SH2B3: variants seen among roughly 807,000 people sequenced by gnomAD.
SH2B3 encodes SH2B adapter protein 3.
Under a neutral mutation model 51.9 loss-of-function variants are expected in SH2B3, and 43 were observed. The observed-to-expected ratio is 0.83, with a 90% confidence interval of 0.65 to 1.07. SH2B3 has a LOEUF of 1.07. Ranked by LOEUF, SH2B3 falls within the 50% of genes least tolerant of loss-of-function variation. SH2B3 has a pLI of 0.00. For missense variants in SH2B3, 952 were observed against 834.3 expected, an observed-to-expected ratio of 1.14 and a Z score of -1.74; for synonymous variants, 396 against 376.0, an observed-to-expected ratio of 1.05 and a Z score of -0.62.
intron 2 of SH2B3, among the ~76,000 whole-genome samples, chr12:111,440,891 C>T (rs530546103): frequency 1.3e-5 from 2 of 152,336 alleles, no homozygotes; most frequent in East Asian, 3.9e-4. Flanking sequence ...CCCTGTGCTC[C>T]TCCCTGCCTT....
intron 2 of SH2B3, among the ~76,000 whole-genome samples, chr12:111,420,323 G>A (rs932425295): frequency 2.2e-5 from 3 of 133,470 alleles, no homozygotes; most frequent in African/African-American, 9.0e-5. Flanking sequence ...AGCCAAGATC[G>A]CACCACAGCA....
rs1872828205 is a variant in SH2B3 at position 111,435,851 on chromosome 12, G to A, written c.733-10902G>A. The stretch of plus-strand genomic sequence containing the variant: ...CTTAGCCAGGCTGGCCACAGTGGGG[G>A]CAGGAAGGATTCCTATGGGGACAGC... On this transcript the variant is annotated intron_variant, in intron 2 of 7. Coordinates refer to ENST00000341259, the MANE Select transcript of SH2B3 (RefSeq NM_005475.3). This position sits in a 1 kb window ranked among gnomAD's most constrained non-coding sequence, Gnocchi z 4.8. 6.6e-6 allele frequency among the ~76,000 whole-genome samples: 1 copy of A among 152,218 alleles called. No individual in the cohort carries two copies. The highest frequency in any genetic ancestry group is 1.5e-5 in the Non-Finnish European group (1 of 68,036).
chr12:111,434,876 C>A, intron 2 of SH2B3: 1 of 1,535,380 alleles, frequency 6.5e-7, no homozygotes, highest in South Asian at 1.2e-5. Flanking sequence ...TAATGAGAGT[C>A]CGTGCCGGGT....
chr12:111,419,651 T>A (rs1223046180), intron 2 of SH2B3, among the ~76,000 whole-genome samples: 3 of 148,168 alleles, frequency 2.0e-5, no homozygotes, highest in African/African-American at 7.7e-5. Flanking sequence ...AAAAAAAAAA[T>A]GTTTAGACTT....
At chr12:111,433,464 T>A (rs1336477598) in intron 2 of SH2B3, among the ~76,000 whole-genome samples, 1 of 152,240 alleles carries the variant, frequency 6.6e-6, no homozygotes, top group Non-Finnish European at 1.5e-5. Flanking sequence ...AGTTTCTCCA[T>A]GTCCTTGCCA....
At position 111,429,042 on chromosome 12, in the gene SH2B3, G is replaced by GGAGGAA. The variant is rs1174849410; in HGVS notation, c.732+10171_732+10176dup. 1.4e-3 allele frequency among the ~76,000 whole-genome samples: 213 copies of GGAGGAA among 147,942 alleles called. No homozygotes were observed. Among genetic ancestry groups the GGAGGAA allele is most frequent in the African/African-American group, 5.1e-3 (208 of 41,072 alleles). On this transcript the variant is annotated intron_variant, in intron 2 of 7. Transcript: ENST00000341259. This position sits in a 1 kb window ranked among gnomAD's most constrained non-coding sequence, Gnocchi z 4.4. ...AGGAGGAGGAGGAGGAGGAGGAGGA[G>GGAGGAA]GAGGAAGAGGAGGAGGAGGAGGAGG...
At chr12:111,427,740 C>T (rs1872132117) in intron 2 of SH2B3, among the ~76,000 whole-genome samples, 1 of 152,240 alleles carries the variant, frequency 6.6e-6, no homozygotes, top group South Asian at 2.1e-4. Flanking sequence ...CCTCAGTTTC[C>T]CTCATCTGTA....
At position 111,449,830 on chromosome 12, in the gene SH2B3, CACTTAT is replaced by C. The variant is rs1300461405; in HGVS notation, c.*1534_*1539del. On this transcript the variant is annotated 3_prime_UTR_variant, in exon 8 of 8. Coordinates refer to ENST00000341259, the MANE Select transcript of SH2B3 (RefSeq NM_005475.3). ...GGAGGAGGGTTAGGTCTGCTTCTTC[CACTTAT>C]ACTTAGTCTCTGTGCTCCAAGAGGT... 2 of 152,224 alleles carry C rather than the reference CACTTAT, an allele frequency of 1.3e-5. No individual in the cohort carries two copies. The highest frequency in any genetic ancestry group is 2.4e-5 in the African/African-American group (1 of 41,438). 9.4% of individuals were successfully genotyped at this position (152,224 alleles called of 1,614,324 possible).
intron 2 of SH2B3, among the ~76,000 whole-genome samples, chr12:111,428,644 T>C (rs1872199769): frequency 6.6e-6 from 1 of 152,042 alleles, no homozygotes; most frequent in African/African-American, 2.4e-5. Flanking sequence ...CCCCAAGAGA[T>C]AGCACAGGAG....
At chr12:111,421,223 G>C (rs775183482) in intron 2 of SH2B3, among the ~76,000 whole-genome samples, 2 of 151,698 alleles carry the variant, frequency 1.3e-5, no homozygotes, top group African/African-American at 4.8e-5. Context: ...GCTCGCTGTA[G>C]CCTCAACCTC....
chr12:111,425,139 G>A (rs905022840), intron 2 of SH2B3, among the ~76,000 whole-genome samples: 3 of 152,064 alleles, frequency 2.0e-5, no homozygotes, highest in Non-Finnish European at 2.9e-5. Flanking sequence ...GTGTGACCGC[G>A]GGCCTGTGGA....
Position 111,406,391 on chromosome 12 carries a change from A to C in SH2B3, c.-28+114A>C, listed in dbSNP as rs1485862316. 6.6e-6 allele frequency: 1 copy of C among 152,148 alleles called. No individual in the cohort carries two copies. Among genetic ancestry groups the C allele is most frequent in the Non-Finnish European group, 1.5e-5 (1 of 68,044 alleles). 9.4% of individuals were successfully genotyped at this position (152,148 alleles called of 1,614,324 possible). ...GGCTCTGCGCGTCACCCCCAGCCCAAAATACTGCCCTGCAGCCAACTCGGA... is the reference window on the plus strand; with the variant it reads ...GGCTCTGCGCGTCACCCCCAGCCCACAATACTGCCCTGCAGCCAACTCGGA... On this transcript the variant is annotated intron_variant, in intron 1 of 7. Transcript: ENST00000341259. The surrounding 1 kb of genome is among the most constrained non-coding windows in gnomAD (Gnocchi z 5.7).
intron 2 of SH2B3, among the ~76,000 whole-genome samples, chr12:111,436,340 A>G (rs2135582971): frequency 6.6e-6 from 1 of 152,246 alleles, no homozygotes; most frequent in Non-Finnish European, 1.5e-5. Flanking sequence ...CTTCCTGTCC[A>G]TGTTTTGGGA....
chr12:111,424,217 C>T (rs1871796023), intron 2 of SH2B3, among the ~76,000 whole-genome samples: 1 of 152,138 alleles, frequency 6.6e-6, no homozygotes, highest in Non-Finnish European at 1.5e-5. Context: ...GCTTTCTCAG[C>T]TCTGGGGCAA....
chr12:111,448,570 G>A lies in SH2B3; in HGVS notation c.*268G>A, dbSNP rs1248851805. On this transcript the variant is annotated 3_prime_UTR_variant, in exon 8 of 8. Coordinates refer to ENST00000341259, the MANE Select transcript of SH2B3 (RefSeq NM_005475.3). ...GCTAGCTCCTGCCCGGGGTCCCTAT[G>A]CCCAGTCCCCGTTACTCTTAGAGAA... 3 of 457,158 alleles carry A rather than the reference G, an allele frequency of 6.6e-6. No individual in the cohort carries two copies. The highest frequency in any genetic ancestry group is 2.0e-5 in the African/African-American group (1 of 50,994). The allele number at this position is 457,158 out of a possible 1,614,324, so 28.3% of individuals were successfully genotyped here. A position where few individuals can be genotyped will look rare whatever the true frequency, so the allele number is the denominator to read the frequency against.
At chr12:111,427,278 C>G (rs916552821) in intron 2 of SH2B3, among the ~76,000 whole-genome samples, 1 of 151,356 alleles carries the variant, frequency 6.6e-6, no homozygotes, top group Admixed American at 6.6e-5. Flanking sequence ...CCCAGCTACT[C>G]GGGAGGCTGA....
At position 111,446,957 on chromosome 12, in the gene SH2B3, G is replaced by A; in HGVS notation, c.850G>A (p.Asp284Asn). Reference protein sequence around the residue: ...TFVLKVKDRTDIIFEVGDEQQ... With the variant: ...TFVLKVKDRTNIIFEVGDEQQ... ...TCCCTGCCAGGTGAAGGACCGGACAGACATCATCTTTGAGGTGGGAGACGA... is the reference window on the plus strand; with the variant it reads ...TCCCTGCCAGGTGAAGGACCGGACAAACATCATCTTTGAGGTGGGAGACGA... Residue 284 changes from aspartate (D) to asparagine (N), a missense_variant, in exon 4 of 8, where the codon GAC (aspartate) becomes AAC (asparagine). Coordinates refer to ENST00000341259, the MANE Select transcript of SH2B3 (RefSeq NM_005475.3). 6.2e-7 allele frequency: 1 copy of A among 1,614,080 alleles called. No individual in the cohort carries two copies. The highest frequency in any genetic ancestry group is 1.3e-5 in the African/African-American group (1 of 75,018).
At chr12:111,434,704 G>A (rs1360074926) in intron 2 of SH2B3, 6 of 833,774 alleles carry the variant, frequency 7.2e-6, no homozygotes, top group Non-Finnish European at 8.7e-6. Context: ...TTTTATTCTA[G>A]TTCTGTCTTG....
At chr12:111,422,134 C>T (rs143854479) in intron 2 of SH2B3, among the ~76,000 whole-genome samples, 13 of 152,344 alleles carry the variant, frequency 8.5e-5, no homozygotes, top group South Asian at 2.1e-4. Flanking sequence ...GGCTGGAGTG[C>T]AGAGGCACAA....
Sources: gnomAD v4.1 joint callset for allele counts (sites outside exome capture counted in the v4.1 genomes callset) on GRCh38, gnomAD v4.1.1 for gene constraint, Gnocchi (gnomAD v3.1) non-coding constraint, MANE v1.5 for transcripts, NCBI Gene and HGNC (gene_info 2026-07-23, HGNC 2026-07-21) for gene names.